Variants in NR0B2 observed in about 807,000 individuals in gnomAD.
NR0B2 encodes nuclear receptor subfamily 0 group B member 2.
Under a neutral mutation model 18.9 loss-of-function variants are expected in NR0B2, and 17 were observed. The observed-to-expected ratio is 0.90, with a 90% CI of 0.62 to 1.35. The LOEUF (loss-of-function observed/expected upper bound fraction) is 1.35. Among genes scored for constraint, NR0B2 ranks in the 40% most tolerant of loss-of-function variants. The probability of loss-of-function intolerance (pLI) is 0.00; values close to 1 mark genes in which losing one functional copy is unlikely to be tolerated. For missense variants in NR0B2, 312 were observed against 333.3 expected, an observed-to-expected ratio of 0.94 and a Z score of 0.50; for synonymous variants, 116 against 138.5, an observed-to-expected ratio of 0.84 and a Z score of 1.14.
Position 26,912,099 on chromosome 1 carries a change from A to C in NR0B2, c.533-13T>G, listed in dbSNP as rs752497119. ...AGGCCTGGCACATCTGTGGGCAGAG[A>C]GGGAGAAGAGGGCTGGTGAGCACCC... On this transcript the variant is annotated splice_polypyrimidine_tract_variant and intron_variant, in intron 1 of 1. Coordinates refer to ENST00000254227, the MANE Select transcript of NR0B2 (RefSeq NM_021969.3). The C allele has an allele frequency of 2.5e-6, 4 of 1,612,680 alleles. No individual in the cohort carries two copies. In the South Asian group the frequency reaches 4.4e-5, roughly 18 times the overall value.
At position 26,911,839 on chromosome 1, in the gene NR0B2, A is replaced by C; in HGVS notation, c.*6T>G. ...CCCACCTGATCTCTGCCTGGGCTGG[A>C]ACAGGTCACCTGAGCAAAAGCATGT... On this transcript the variant is annotated 3_prime_UTR_variant, in exon 2 of 2. Coordinates refer to ENST00000254227, the MANE Select transcript of NR0B2 (RefSeq NM_021969.3). 1.2e-6 allele frequency: 2 copies of C among 1,614,180 alleles called. No individual in the cohort carries two copies. Among genetic ancestry groups the C allele is most frequent in the Non-Finnish European group, 1.7e-6 (2 of 1,180,020 alleles).
intron 1 of NR0B2, 73 bp from the exon 2 acceptor site, chr1:26,912,159 G>T (rs1375470365): frequency 1.3e-6 from 2 of 1,581,948 alleles, no homozygotes; most frequent in African/African-American, 2.7e-5. Context: ...ACTGGCCCAA[G>T]ATCTGGGCCA....
At chr1:26,912,570 C>A (rs1490124350) in intron 1 of NR0B2, among the ~76,000 whole-genome samples, 1 of 152,108 alleles carries the variant, frequency 6.6e-6, no homozygotes, top group Non-Finnish European at 1.5e-5. Context: ...TTTATGCGTG[C>A]CACAAGGGAC....
At position 26,913,419 on chromosome 1, in the gene NR0B2, G is replaced by A. The variant is rs747522759; in HGVS notation, c.522C>T (p.Leu174=). ...TGTCTGGGAGCTCACCGGGGTTGAA[G>A]AGGATGGTCCCTTTCAGGCAGGCAT... ...KEYACLKGTI[L]FNPDVPGLQA... The change falls in exon 1 of 2, where the codon CTC becomes CTT. Residue 174 remains leucine, a synonymous_variant. Transcript: ENST00000254227. The A allele has an allele frequency of 1.2e-6, 2 of 1,614,134 alleles. No individual in the cohort carries two copies. The highest frequency in any genetic ancestry group is 8.5e-7 in the Non-Finnish European group (1 of 1,180,020).
At position 26,913,629 on chromosome 1, in the gene NR0B2, A is replaced by T; in HGVS notation, c.312T>A (p.Ala104=). 6.2e-7 allele frequency: 1 copy of T among 1,614,052 alleles called. No homozygotes were observed. The highest frequency in any genetic ancestry group is 8.5e-7 in the Non-Finnish European group (1 of 1,179,988). ...GGGCCTCAGCCACCTCAAAGGTCAC[A>T]GCATCTTGGGCCAACCCAAGCAGGA... The part of the protein sequence containing the change: ...PLFLLGLAQD[A]VTFEVAEAPV... The change falls in exon 1 of 2, where the codon GCT becomes GCA. Residue 104 remains alanine, a synonymous_variant. Coordinates refer to ENST00000254227, the MANE Select transcript of NR0B2 (RefSeq NM_021969.3).
Position 26,911,500 on chromosome 1 carries a change from CT to C in NR0B2, c.*344del. ...GTATCAGGCTCCAAGTGTTTCATAC[CT>C]TTTATTACAAAAATCAATAACTTAA... On this transcript the variant is annotated 3_prime_UTR_variant, in exon 2 of 2. Transcript: ENST00000254227. The C allele has an allele frequency of 2.8e-6, 1 of 352,982 alleles. No individual in the cohort carries two copies. Among genetic ancestry groups the C allele is most frequent in the Non-Finnish European group, 5.5e-6 (1 of 181,152 alleles). 21.9% of individuals were successfully genotyped at this position (352,982 alleles called of 1,614,324 possible).
intron 1 of NR0B2, 102 bp from the exon 2 acceptor site, chr1:26,912,188 C>G: frequency 6.9e-7 from 1 of 1,447,668 alleles, no homozygotes; most frequent in Non-Finnish European, 9.4e-7. Flanking sequence ...ACCCCTCTGC[C>G]TCCTTTGCTC....
chr1:26,912,216 T>C, intron 1 of NR0B2, 130 bp from the exon 2 acceptor site: 1 of 959,922 alleles, frequency 1.0e-6, no homozygotes, highest in Non-Finnish European at 1.6e-6. Context: ...GAGGTCCCAC[T>C]ACTACCTCCT....
At chr1:26,912,195 G>C (rs2082032188) in intron 1 of NR0B2, 109 bp from the exon 2 acceptor site, 1 of 1,406,400 alleles carries the variant, frequency 7.1e-7, no homozygotes, top group East Asian at 2.5e-5. Flanking sequence ...TGCCTCCTTT[G>C]CTCGGCCTTT....
In NR0B2 at chr1:26,911,997, G is replaced by A. The variant is rs1570712361; in HGVS notation, c.622C>T (p.Pro208Ser). The A allele has an allele frequency of 1.2e-6, 2 of 1,614,218 alleles. No individual in the cohort carries two copies. The stretch of plus-strand genomic sequence containing the variant: ...CGGGTCAGGCGGCCTTGGGCTGCTG[G>A]GCACCAGGGTTCCAGGACTTCACAC... ...VLCEVLEPWCPAAQGRLTRVL... is the reference protein window; with the variant it reads ...VLCEVLEPWCSAAQGRLTRVL... The change falls in exon 2 of 2, where the codon CCA (proline) becomes TCA (serine). Residue 208 changes from proline (P) to serine (S), a missense_variant. By Grantham distance (74) the Pro-to-Ser change is moderately conservative. Transcript: ENST00000254227.
rs779408937 is a variant in NR0B2 at position 26,912,037 on chromosome 1, C to T, written c.582G>A (p.Glu194=). ...AASHIGHLQQ[E]AHWVLCEVLE... ...GGACTTCACACAGCACCCAGTGAGC[C>T]TCCTGCTGCAGGTGCCCAATGTGGG... The change falls in exon 2 of 2, where the codon GAG becomes GAA. Residue 194 remains glutamate (E), a synonymous_variant. Coordinates refer to ENST00000254227, the MANE Select transcript of NR0B2 (RefSeq NM_021969.3). The T allele has an allele frequency of 1.2e-6, 2 of 1,614,156 alleles. No homozygotes were observed. Among genetic ancestry groups the T allele is most frequent in the Non-Finnish European group, 1.7e-6 (2 of 1,180,044 alleles).
chr1:26,913,627 A>G lies in NR0B2; in HGVS notation c.314T>C (p.Val105Ala). Residue 105 changes from valine to alanine, a missense_variant, in exon 1 of 2, where the codon GTG (valine) becomes GCG (alanine). Val to Ala is a moderately conservative substitution (Grantham distance 64, BLOSUM62 0). Coordinates refer to ENST00000254227, the MANE Select transcript of NR0B2 (RefSeq NM_021969.3). Reference protein sequence around the residue: ...LFLLGLAQDAVTFEVAEAPVP... With the variant: ...LFLLGLAQDAATFEVAEAPVP... Reference sequence around the variant, plus strand: ...CGGGGCCTCAGCCACCTCAAAGGTCACAGCATCTTGGGCCAACCCAAGCAG... The same window carrying G: ...CGGGGCCTCAGCCACCTCAAAGGTCGCAGCATCTTGGGCCAACCCAAGCAG... 1 of 1,614,022 alleles carries G rather than the reference A, an allele frequency of 6.2e-7. No homozygotes were observed.
chr1:26,912,069 C>T lies in NR0B2; in HGVS notation c.550G>A (p.Ala184Thr). Reference sequence around the variant, plus strand: ...TGCAGGTGCCCAATGTGGGAGGCGGCTTGGAGGCCTGGCACATCTGTGGGC... The same window carrying T: ...TGCAGGTGCCCAATGTGGGAGGCGGTTTGGAGGCCTGGCACATCTGTGGGC... The part of the protein sequence containing the change: ...LFNPDVPGLQ[A>T]ASHIGHLQQE... Residue 184 changes from alanine to threonine, a missense_variant, in exon 2 of 2, where the codon GCC (alanine) becomes ACC (threonine). By Grantham distance (58) the Ala-to-Thr change is moderately conservative. Transcript: ENST00000254227. The T allele has an allele frequency of 6.2e-7, 1 of 1,613,788 alleles. No homozygotes were observed. The highest frequency in any genetic ancestry group is 8.5e-7 in the Non-Finnish European group (1 of 1,180,028).
In NR0B2 at chr1:26,913,713, GA is replaced by G. The variant is rs779783209; in HGVS notation, c.227del (p.Phe76SerfsTer30). The G allele has an allele frequency of 6.4e-5, 103 of 1,609,310 alleles. No individual in the cohort carries two copies. In the South Asian group the frequency reaches 1.1e-3, roughly 17 times the overall value. On this transcript the variant is annotated frameshift_variant, in exon 1 of 2. Coordinates refer to ENST00000254227, the MANE Select transcript of NR0B2 (RefSeq NM_021969.3). LOFTEE classifies it high-confidence loss of function. ...TVAFLRNLPS[F>X]WQLPPQDQRR... Reference sequence around the variant, plus strand: ...GCTGGTCCTGGGGAGGCAGCTGCCAGAAGGATGGCAGGTTCCTGAGGAAGGC... The same window carrying G: ...GCTGGTCCTGGGGAGGCAGCTGCCAGAGGATGGCAGGTTCCTGAGGAAGGC...
In NR0B2 at chr1:26,911,773, C is replaced by A; in HGVS notation, c.*72G>T. 1 of 1,603,252 alleles carries A rather than the reference C, an allele frequency of 6.2e-7. No homozygotes were observed. Among genetic ancestry groups the A allele is most frequent in the Non-Finnish European group, 8.5e-7 (1 of 1,171,264 alleles). ...GCCCCCTCCAGGAGCATTGGGTCACCTCTGGGGATGGCCAGGCTGAATCAG... is the reference window on the plus strand; with the variant it reads ...GCCCCCTCCAGGAGCATTGGGTCACATCTGGGGATGGCCAGGCTGAATCAG... On this transcript the variant is annotated 3_prime_UTR_variant, in exon 2 of 2. Coordinates refer to ENST00000254227, the MANE Select transcript of NR0B2 (RefSeq NM_021969.3).
rs765716254 is a variant in NR0B2, at chr1:26,913,823, G to A, written c.118C>T (p.Leu40=). Residue 40 remains leucine (L), a synonymous_variant, in exon 1 of 2, where the codon CTA becomes TTA. Coordinates refer to ENST00000254227, the MANE Select transcript of NR0B2 (RefSeq NM_021969.3). ...TGGACGGGCCGGTGCTGCCTACATA[G>A]GCAGCGGCTACGGGGTCGGGGGACA... ...KAVPRPRSRC[L]CRQHRPVQLC... 2.0e-6 allele frequency: 3 copies of A among 1,512,550 alleles called. No individual in the cohort carries two copies. Among genetic ancestry groups the A allele is most frequent in the Non-Finnish European group, 2.7e-6 (3 of 1,129,650 alleles). 93.7% of individuals were successfully genotyped at this position (1,512,550 alleles called of 1,614,324 possible).
rs768920954 is a variant in NR0B2 at position 26,913,361 on chromosome 1, G to T, written c.532+48C>A. ...CCTTAGAAGCTACCTTCCCTGGCTGGCCCCTGCTTCAGCCTTGCCCCCCAC... is the reference window on the plus strand; with the variant it reads ...CCTTAGAAGCTACCTTCCCTGGCTGTCCCCTGCTTCAGCCTTGCCCCCCAC... On this transcript the variant is annotated intron_variant, in intron 1 of 1. Transcript: ENST00000254227. 7.7e-6 allele frequency: 12 copies of T among 1,562,926 alleles called. No individual in the cohort carries two copies. In the African/African-American group the frequency reaches 1.5e-4, roughly 19 times the overall value.
At position 26,913,598 on chromosome 1, in the gene NR0B2, G is replaced by A. The variant is rs140901243; in HGVS notation, c.343C>T (p.Pro115Ser). The change falls in exon 1 of 2, where the codon CCC (proline) becomes TCC (serine). Residue 115 changes from proline to serine, a missense_variant. Coordinates refer to ENST00000254227, the MANE Select transcript of NR0B2 (RefSeq NM_021969.3). ...AGCAGAATCTTCTTGAGTATGCTGG[G>A]CACCGGGGCCTCAGCCACCTCAAAG... ...VTFEVAEAPV[P>S]SILKKILLEE... The A allele has an allele frequency of 1.2e-4, 186 of 1,614,050 alleles. No homozygotes were observed. In the African/African-American group the frequency reaches 2.2e-3, roughly 19 times the overall value.
At position 26,913,601 on chromosome 1, in the gene NR0B2, C is replaced by T. The variant is rs779227104; in HGVS notation, c.340G>A (p.Val114Met). 1 of 1,614,074 alleles carries T rather than the reference C, an allele frequency of 6.2e-7. No homozygotes were observed. The highest frequency in any genetic ancestry group is 8.5e-7 in the Non-Finnish European group (1 of 1,180,002). ...AVTFEVAEAP[V>M]PSILKKILLE... ...AGAATCTTCTTGAGTATGCTGGGCA[C>T]CGGGGCCTCAGCCACCTCAAAGGTC... Residue 114 changes from valine (V) to methionine (M), a missense_variant, in exon 1 of 2, where the codon GTG becomes ATG. Val to Met is a conservative substitution (Grantham distance 21). Coordinates refer to ENST00000254227, the MANE Select transcript of NR0B2 (RefSeq NM_021969.3).
Sources: allele counts gnomAD v4.1 joint callset (sites outside exome capture counted in the v4.1 genomes callset), GRCh38; gene constraint gnomAD v4.1.1; transcripts MANE v1.5; gene names NCBI Gene and HGNC (gene_info 2026-07-23, HGNC 2026-07-21).